Variants in PCDHA4 observed in about 807,000 individuals in gnomAD.
The protein encoded by PCDHA4 is protocadherin alpha 4.
A neutral mutation model predicts 61.4 loss-of-function variants in PCDHA4; 49 were observed. The ratio of observed to expected loss-of-function variants is 0.80; its 90% confidence interval spans 0.63 to 1.01. The LOEUF (loss-of-function observed/expected upper bound fraction) is 1.01. PCDHA4 is among the 50% of genes least tolerant of loss of function. The pLI, the probability that PCDHA4 is intolerant of heterozygous loss-of-function variation, is 0.00. For missense variants in PCDHA4, 1,254 were observed against 1,235.8 expected (o/e 1.01, Z -0.22); for synonymous variants, 590 against 550.3 (o/e 1.07, Z -1.01).
In PCDHA4 at chr5:140,849,939, G is replaced by T; in HGVS notation, c.2385+40367G>T. On this transcript the variant is annotated intron_variant, in intron 1 of 3. Coordinates refer to ENST00000530339, the MANE Select transcript of PCDHA4 (RefSeq NM_018907.4). ...CATCTTCACGGTGTCTGCGCGGGAC[G>T]CTGACGCGCAGGAGAACGCCCTGGT... The T allele has an allele frequency of 6.3e-7, 1 of 1,598,036 alleles. No homozygotes were observed. The highest frequency in any genetic ancestry group is 8.6e-7 in the Non-Finnish European group (1 of 1,167,746).
chr5:140,828,469 T>C, intron 1 of PCDHA4: 1 of 1,614,142 alleles, frequency 6.2e-7, no homozygotes, highest in Non-Finnish European at 8.5e-7. Flanking sequence ...TGAGGGACAT[T>C]AACGACAACC....
At chr5:140,878,110 A>T in intron 1 of PCDHA4, 1 of 249,264 alleles carries the variant, frequency 4.0e-6, no homozygotes, top group South Asian at 1.2e-4. Context: ...CTTGAAAAAA[A>T]CAGTATATTA....
At chr5:140,823,756 A>G (rs1767861946) in intron 1 of PCDHA4, 1 of 1,613,820 alleles carries the variant, frequency 6.2e-7, no homozygotes, top group Non-Finnish European at 8.5e-7. Flanking sequence ...GCTGACAGCC[A>G]CAGCCACAGT....
chr5:140,876,118 G>A (rs2153337008), intron 1 of PCDHA4: 1 of 1,613,926 alleles, frequency 6.2e-7, no homozygotes, highest in South Asian at 1.1e-5. Flanking sequence ...GATGGTAATC[G>A]ATGGCGGTAA....
At chr5:140,951,766 C>T (rs372624744) in intron 1 of PCDHA4, among the ~76,000 whole-genome samples, 78 of 152,240 alleles carry the variant, frequency 5.1e-4, no homozygotes, top group African/African-American at 1.6e-3. Context: ...AATCTCATGA[C>T]GTTCTTACAT....
chr5:140,876,644 C>T, intron 1 of PCDHA4: 2 of 1,614,200 alleles, frequency 1.2e-6, no homozygotes, highest in South Asian at 1.1e-5. Context: ...TCACTGACAC[C>T]TCATGTTCCC....
chr5:140,904,335 C>T (rs142753502), intron 1 of PCDHA4, among the ~76,000 whole-genome samples: 2,168 of 152,034 alleles, frequency 0.014, 62 homozygotes, highest in African/African-American at 0.05. Flanking sequence ...TCTCCAGTTC[C>T]ATCCAGGTTG....
chr5:140,862,382 G>T, intron 1 of PCDHA4: 1 of 345,046 alleles, frequency 2.9e-6, no homozygotes, highest in South Asian at 2.3e-5. Flanking sequence ...GACTCCTCAC[G>T]TCTCTTCAAG....
At chr5:140,977,559 A>G (rs1383080307) in intron 1 of PCDHA4, among the ~76,000 whole-genome samples, 2 of 152,204 alleles carry the variant, frequency 1.3e-5, no homozygotes. Context: ...ATATCTTGCT[A>G]GCAGATTGGT....
At chr5:140,876,473 G>C in intron 1 of PCDHA4, 7 of 1,614,038 alleles carry the variant, frequency 4.3e-6, no homozygotes, top group African/African-American at 2.7e-5. Flanking sequence ...GCAGGTCACA[G>C]CATGGTCCTG....
chr5:140,925,641 TATAATAATA>T (rs10569930), intron 1 of PCDHA4, among the ~76,000 whole-genome samples: 3,728 of 143,338 alleles, frequency 0.026, 107 homozygotes, highest in African/African-American at 0.059. Context: ...GAACTTAAAG[TATAATAATA>T]ATAATAATAA....
chr5:140,968,203 G>A, intron 1 of PCDHA4: 5 of 1,614,018 alleles, frequency 3.1e-6, no homozygotes, highest in Non-Finnish European at 4.2e-6. Context: ...TCTACATACA[G>A]GAGAACAATT....
At chr5:140,855,486 GTC>G (rs2150336982) in intron 1 of PCDHA4, among the ~76,000 whole-genome samples, 1 of 149,948 alleles carries the variant, frequency 6.7e-6, no homozygotes, top group South Asian at 2.1e-4. Context: ...TGACATTAGT[GTC>G]TAAATAAACC....
intron 1 of PCDHA4, among the ~76,000 whole-genome samples, chr5:140,855,465 T>G (rs1363813881): frequency 2.0e-5 from 3 of 149,888 alleles, no homozygotes; most frequent in South Asian, 2.1e-4. Context: ...ACCTCACAGA[T>G]AGTTGATGCT....
intron 1 of PCDHA4, among the ~76,000 whole-genome samples, chr5:140,827,152 T>C (rs1769202163): frequency 6.6e-6 from 1 of 152,170 alleles, no homozygotes; most frequent in Non-Finnish European, 1.5e-5. Context: ...GATGCAGATA[T>C]GGATTTGTAA....
chr5:140,812,105 AG>A (rs2126635357), intron 1 of PCDHA4: 2 of 151,698 alleles, frequency 1.3e-5, no homozygotes, highest in South Asian at 2.1e-4. Context: ...CTTCTTTAAA[AG>A]TTTGGTAGAA....
chr5:140,808,420 T>G lies in PCDHA4; in HGVS notation c.1233T>G (p.Ser411Arg). Reference protein sequence around the residue: ...FKNYYSLVLDSALDRESVSAY... With the variant: ...FKNYYSLVLDRALDRESVSAY... ...ATTACTACTCGTTGGTGCTGGACAG[T>G]GCCCTGGACCGCGAGAGCGTGTCAG... The change falls in exon 1 of 4, where the codon AGT becomes AGG. Residue 411 changes from serine to arginine, a missense_variant. Physicochemically the swap from Ser to Arg is moderately radical, Grantham distance 110. Transcript: ENST00000530339. 6.2e-7 allele frequency: 1 copy of G among 1,614,142 alleles called. No individual in the cohort carries two copies. The highest frequency in any genetic ancestry group is 8.5e-7 in the Non-Finnish European group (1 of 1,180,044).
At chr5:140,870,081 T>A (rs782572380) in intron 1 of PCDHA4, 1 of 1,613,698 alleles carries the variant, frequency 6.2e-7, no homozygotes, top group East Asian at 2.2e-5. Flanking sequence ...ATAAGGGGAC[T>A]CCCCCAATGG....
At chr5:140,846,534 C>T (rs1554141358) in intron 1 of PCDHA4, among the ~76,000 whole-genome samples, 2 of 148,222 alleles carry the variant, frequency 1.3e-5, no homozygotes, top group African/African-American at 4.9e-5. Context: ...GCCACCATGC[C>T]CTGCTAATTT....
Sources: allele counts gnomAD v4.1 joint callset (sites outside exome capture counted in the v4.1 genomes callset), GRCh38; gene constraint gnomAD v4.1.1; transcripts MANE v1.5; gene names NCBI Gene and HGNC (gene_info 2026-07-23, HGNC 2026-07-21).